Variants in USP54 observed in about 807,000 individuals in gnomAD.
USP54 encodes ubiquitin specific peptidase 54.
A neutral mutation model predicts 170.5 loss-of-function variants in USP54; 87 were observed. The observed-to-expected ratio is 0.51, with a 90% CI of 0.43 to 0.61. USP54 has a LOEUF of 0.61. Ranked by LOEUF, USP54 falls within the 20% of genes least tolerant of loss-of-function variation. The pLI is 0.00. For missense variants in USP54, 1,786 were observed against 2,047.8 expected, an observed-to-expected ratio of 0.87 and a Z score of 2.47; for synonymous variants, 655 against 742.8, an observed-to-expected ratio of 0.88 and a Z score of 1.92.
chr10:73,541,565 C>T, intron 8 of USP54, 44 bp from the exon 9 acceptor site: 1 of 1,613,436 alleles, frequency 6.2e-7, no homozygotes, highest in Non-Finnish European at 8.5e-7. Flanking sequence ...TTCCCACTGG[C>T]TTTGCATCAA....
At chr10:73,531,456 T>C (rs557947110) in intron 12 of USP54, among the ~76,000 whole-genome samples, 1 of 152,284 alleles carries the variant, frequency 6.6e-6, no homozygotes, top group East Asian at 1.9e-4. Context: ...TTAAAGATTA[T>C]ATAAAAATGT....
chr10:73,509,339 T>G (rs1320639966), intron 20 of USP54, among the ~76,000 whole-genome samples: 5 of 151,454 alleles, frequency 3.3e-5, no homozygotes, highest in Admixed American at 2.0e-4. Flanking sequence ...CAGTGGCTCA[T>G]GCCTGTAATC....
At chr10:73,537,738 A>G (rs1478686768) in intron 10 of USP54, 2 of 144,932 alleles carry the variant, frequency 1.4e-5, no homozygotes, top group Admixed American at 7.0e-5. Context: ...ACTCAAATCA[A>G]TCAACACACA....
chr10:73,582,470 C>A (rs763007379), intron 1 of USP54, among the ~76,000 whole-genome samples: 7 of 151,828 alleles, frequency 4.6e-5, no homozygotes, highest in Non-Finnish European at 8.8e-5. Context: ...ACTGCAACAG[C>A]CACCTCCACC....
At chr10:73,615,018 G>A (rs913890518) in intron 1 of USP54, 5 of 150,274 alleles carry the variant, frequency 3.3e-5, no homozygotes, top group Non-Finnish European at 5.9e-5. Flanking sequence ...AGTGGGGAGA[G>A]GTGTGGATAG....
intron 1 of USP54, among the ~76,000 whole-genome samples, chr10:73,577,840 C>A (rs1207419968): frequency 6.6e-6 from 1 of 152,166 alleles, no homozygotes; most frequent in East Asian, 1.9e-4. Context: ...ATATCTCCCA[C>A]ACAGACTATA....
At chr10:73,516,305 C>G in intron 20 of USP54, 70 bp downstream of exon 20, 1 of 1,498,474 alleles carries the variant, frequency 6.7e-7, no homozygotes, top group African/African-American at 1.4e-5. Context: ...ACACTCCCTT[C>G]TGATCTTTCC....
At chr10:73,542,533 G>A (rs954007186) in intron 7 of USP54, among the ~76,000 whole-genome samples, 3 of 152,140 alleles carry the variant, frequency 2.0e-5, no homozygotes, top group Non-Finnish European at 4.4e-5. Flanking sequence ...AGACCAGCCT[G>A]ACCAACATGA....
At chr10:73,509,134 G>C (rs1303132168) in intron 20 of USP54, among the ~76,000 whole-genome samples, 2 of 125,756 alleles carry the variant, frequency 1.6e-5, no homozygotes, top group Non-Finnish European at 3.3e-5. Flanking sequence ...AAAGACTTAA[G>C]AGCCTTATCA....
chr10:73,547,718 T>C (rs552191354), intron 4 of USP54, among the ~76,000 whole-genome samples: 13 of 152,304 alleles, frequency 8.5e-5, no homozygotes, highest in South Asian at 4.1e-4. Flanking sequence ...TTACAACTTA[T>C]ACAACAATTA....
chr10:73,508,900 T>G (rs918541254), intron 20 of USP54, among the ~76,000 whole-genome samples: 4 of 151,746 alleles, frequency 2.6e-5, no homozygotes, highest in Non-Finnish European at 5.9e-5. Context: ...ATTCCTGACC[T>G]CGTGATCTGC....
chr10:73,584,941 T>C lies in USP54; in HGVS notation c.-582+6337A>G, dbSNP rs545546560. ...ACCACATCTGGACCACTGCACCACA[T>C]TACTGACTCATTGCCAGTCCTCTAA... On this transcript the variant is annotated intron_variant, in intron 1 of 23. Coordinates refer to ENST00000687698, the MANE Select transcript of USP54 (RefSeq NM_001391956.1). Among the ~76,000 whole-genome samples the C allele has an allele frequency of 3.9e-5, 6 of 152,282 alleles. No homozygotes were observed. The South Asian group carries it at 1.2e-3, about 32-fold the overall frequency.
chr10:73,505,603 G>A, intron 20 of USP54, 177 bp from the exon 21 acceptor site: 2 of 531,346 alleles, frequency 3.8e-6, no homozygotes, highest in South Asian at 4.5e-5. Flanking sequence ...GGGCGCGGTG[G>A]CTCACACCTG....
chr10:73,594,849 C>G (rs2078596900), upstream of USP54, among the ~76,000 whole-genome samples: 1 of 151,740 alleles, frequency 6.6e-6, no homozygotes, highest in Admixed American at 6.6e-5. Flanking sequence ...GAAGAATATA[C>G]CATGAAGTAG....
chr10:73,624,837 TTC>T (rs902044088), intron 1 of USP54, among the ~76,000 whole-genome samples: 2 of 152,282 alleles, frequency 1.3e-5, no homozygotes, highest in African/African-American at 4.8e-5. Flanking sequence ...TCAAAACATG[TTC>T]TGTCTCCTAA....
intron 1 of USP54, among the ~76,000 whole-genome samples, chr10:73,602,266 A>G (rs79515099): frequency 0.035 from 5,356 of 152,290 alleles, 153 homozygotes; most frequent in South Asian, 0.11. Flanking sequence ...AAAAAATAGT[A>G]TAATAGCCGG....
chr10:73,624,703 G>A (rs1173525594), intron 1 of USP54, among the ~76,000 whole-genome samples: 1 of 152,132 alleles, frequency 6.6e-6, no homozygotes, highest in African/African-American at 2.4e-5. Context: ...ACAAATAACA[G>A]TTAACCAGCA....
At chr10:73,580,682 C>T (rs2076789107) in intron 1 of USP54, among the ~76,000 whole-genome samples, 1 of 152,142 alleles carries the variant, frequency 6.6e-6, no homozygotes, top group Admixed American at 6.5e-5. Context: ...AAGCGATTTT[C>T]CTGCCTCAGC....
chr10:73,567,745 C>T (rs2074175372), intron 4 of USP54, among the ~76,000 whole-genome samples: 1 of 152,154 alleles, frequency 6.6e-6, no homozygotes, highest in Non-Finnish European at 1.5e-5. Flanking sequence ...ATTGCTGCTT[C>T]TGACTTATCA....
Sources: gnomAD v4.1 joint callset for allele counts (sites outside exome capture counted in the v4.1 genomes callset) on GRCh38, gnomAD v4.1.1 for gene constraint, MANE v1.5 for transcripts, NCBI Gene and HGNC (gene_info 2026-07-23, HGNC 2026-07-21) for gene names.